The following FRMD4B variants were observed in gnomAD, a reference collection of about 807,000 sequenced individuals.
FRMD4B encodes the protein FERM domain-containing protein 4B.
In FRMD4B, 74 loss-of-function variants were observed where a neutral mutation model predicts 141.5. The observed-to-expected ratio is 0.52, with a 90% CI of 0.43 to 0.63. The LOEUF is 0.63. FRMD4B is among the 30% of genes least tolerant of loss of function. The probability of loss-of-function intolerance (pLI) is 0.00; values close to 1 mark genes in which losing one functional copy is unlikely to be tolerated. For synonymous variants in FRMD4B, 506 were observed against 467.9 expected, an observed-to-expected ratio of 1.08 and a Z score of -1.05; for missense variants, 1,366 against 1,253.4, an observed-to-expected ratio of 1.09 and a Z score of -1.36.
intron 19 of FRMD4B, among the ~76,000 whole-genome samples, chr3:69,187,033 G>A (rs1426784664): frequency 1.3e-5 from 2 of 152,106 alleles, no homozygotes; most frequent in African/African-American, 4.8e-5. Context: ...CAGATTATGA[G>A]TTTAAGTCCC....
chr3:69,391,213 GTTTCA>G (rs992379199), intron 2 of FRMD4B, among the ~76,000 whole-genome samples: 8 of 150,176 alleles, frequency 5.3e-5, no homozygotes, highest in East Asian at 2.0e-4. Flanking sequence ...TTCAGTTTTT[GTTTCA>G]TTTCATTTAT....
At chr3:69,293,988 T>C (rs1448607439) in intron 4 of FRMD4B, among the ~76,000 whole-genome samples, 3 of 143,516 alleles carry the variant, frequency 2.1e-5, no homozygotes, top group Admixed American at 1.4e-4. Context: ...AATGAGAAAA[T>C]AGTGTGAAAC....
At chr3:69,307,497 C>T (rs1246989499) in intron 3 of FRMD4B, among the ~76,000 whole-genome samples, 3 of 152,014 alleles carry the variant, frequency 2.0e-5, no homozygotes, top group Admixed American at 6.6e-5. Context: ...CCCACCACCA[C>T]GCCCAGCTAA....
intron 1 of FRMD4B, among the ~76,000 whole-genome samples, chr3:69,525,874 G>C (rs1016336159): frequency 6.6e-6 from 1 of 151,754 alleles, no homozygotes; most frequent in Non-Finnish European, 1.5e-5. Flanking sequence ...GCCCAGGCTA[G>C]TGTCAAACTT....
intron 4 of FRMD4B, among the ~76,000 whole-genome samples, chr3:69,294,233 T>C (rs1700968780): frequency 6.6e-6 from 1 of 152,192 alleles, no homozygotes; most frequent in Non-Finnish European, 1.5e-5. Flanking sequence ...TTTAGGCATT[T>C]AACTGCAGCC....
intron 22 of FRMD4B, among the ~76,000 whole-genome samples, chr3:69,174,146 A>C (rs959199437): frequency 3.3e-5 from 5 of 152,000 alleles, no homozygotes; most frequent in Admixed American, 6.6e-5. Context: ...TGGGAAGAAA[A>C]AAAAAAAAAT....
chr3:69,390,984 ATT>A (rs1704371015), upstream of FRMD4B, among the ~76,000 whole-genome samples: 1 of 152,028 alleles, frequency 6.6e-6, no homozygotes, highest in Admixed American at 6.6e-5. Flanking sequence ...CCCTCTTGTT[ATT>A]TTCTTTCCAA....
intron 7 of FRMD4B, among the ~76,000 whole-genome samples, chr3:69,225,928 C>G (rs1213895619): frequency 6.6e-6 from 1 of 152,094 alleles, no homozygotes; most frequent in Non-Finnish European, 1.5e-5. Context: ...CCACTTCTTC[C>G]TATCTTTACC....
At chr3:69,320,780 CT>C (rs754992809) in intron 1 of FRMD4B, 16 of 152,200 alleles carry the variant, frequency 1.1e-4, no homozygotes, top group South Asian at 4.1e-4. Flanking sequence ...CTTTGGAAAG[CT>C]TCTCTTCACA....
At chr3:69,507,534 G>A (rs1448462805) in intron 1 of FRMD4B, among the ~76,000 whole-genome samples, 1 of 152,106 alleles carries the variant, frequency 6.6e-6, no homozygotes, top group Non-Finnish European at 1.5e-5. Context: ...GTATTTTACG[G>A]TATAGATGTG....
At chr3:69,345,778 G>C (rs573531788) in intron 1 of FRMD4B, among the ~76,000 whole-genome samples, 4 of 152,190 alleles carry the variant, frequency 2.6e-5, no homozygotes, top group Non-Finnish European at 5.9e-5. Context: ...GGTCCTGACT[G>C]TTAGAAGGAA....
At chr3:69,185,327 A>G (rs4855361) in intron 19 of FRMD4B, among the ~76,000 whole-genome samples, 15,047 of 151,364 alleles carry the variant, frequency 0.099, 1,624 homozygotes, top group East Asian at 0.33. Context: ...GAAAAGAAAA[A>G]AAGAAGAAAC....
chr3:69,264,817 G>A (rs1341926640), intron 5 of FRMD4B, among the ~76,000 whole-genome samples: 1 of 152,168 alleles, frequency 6.6e-6, no homozygotes. Context: ...GTGTATCACA[G>A]TTTCAAAGAC....
intron 7 of FRMD4B, among the ~76,000 whole-genome samples, chr3:69,247,548 G>A (rs560916466): frequency 1.3e-4 from 20 of 152,214 alleles, no homozygotes; most frequent in African/African-American, 4.6e-4. Flanking sequence ...GTGCAGTGGC[G>A]CGATCTTGGC....
intron 13 of FRMD4B, 84 bp downstream of exon 13, chr3:69,196,816 T>C: frequency 9.7e-7 from 1 of 1,029,710 alleles, no homozygotes; most frequent in East Asian, 2.5e-5. Context: ...ATATATGTGC[T>C]TGCATCTTTT....
intron 1 of FRMD4B, among the ~76,000 whole-genome samples, chr3:69,441,494 A>C (rs1484269653): frequency 6.6e-6 from 1 of 152,112 alleles, no homozygotes. Flanking sequence ...CCCTCCAACC[A>C]TCCGTAATGA....
chr3:69,469,179 T>C (rs1462656686), intron 1 of FRMD4B, among the ~76,000 whole-genome samples: 1 of 152,212 alleles, frequency 6.6e-6, no homozygotes, highest in Non-Finnish European at 1.5e-5. Flanking sequence ...TTATTCTGGG[T>C]GGCCATTTGC....
intron 3 of FRMD4B, among the ~76,000 whole-genome samples, chr3:69,307,528 C>G (rs148784661): frequency 0.01 from 1,580 of 152,056 alleles, 18 homozygotes; most frequent in African/African-American, 0.035. Context: ...TTTAGTAAGA[C>G]GGGGTTTTGC....
chr3:69,366,714 CT>C (rs1348055835), intron 1 of FRMD4B, among the ~76,000 whole-genome samples: 5 of 102,860 alleles, frequency 4.9e-5, no homozygotes, highest in Admixed American at 9.3e-5. Flanking sequence ...CAAACACGAC[CT>C]TTTTTTTCAA....
Sources: gnomAD v4.1 joint callset for allele counts (sites outside exome capture counted in the v4.1 genomes callset) on GRCh38, gnomAD v4.1.1 for gene constraint, MANE v1.5 for transcripts, NCBI Gene and HGNC (gene_info 2026-07-23, HGNC 2026-07-21) for gene names.